The following A1CF variants were observed in gnomAD, a reference collection of about 807,000 sequenced individuals.
A1CF encodes the protein APOBEC-1 stimulating protein.
A neutral mutation model predicts 68.9 loss-of-function variants in A1CF; 48 were observed. The ratio of observed to expected loss-of-function variants is 0.70; its 90% CI spans 0.55 to 0.89. A1CF has a LOEUF of 0.89. Ranked by LOEUF, A1CF falls within the 40% of genes least tolerant of loss-of-function variation. The pLI, the probability that A1CF is intolerant of heterozygous loss-of-function variation, is 0.00. For synonymous variants in A1CF, 272 were observed against 260.4 expected (o/e 1.04, Z -0.43); for missense variants, 653 against 718.9 (o/e 0.91, Z 1.05).
chr10:50,815,567 G>A (rs918542764), intron 9 of A1CF, among the ~76,000 whole-genome samples: 14 of 152,176 alleles, frequency 9.2e-5, no homozygotes, highest in African/African-American at 2.9e-4. Flanking sequence ...CAATGCCACT[G>A]AGTCACCATC....
At chr10:50,825,321 AC>A (rs1838867422) in intron 7 of A1CF, among the ~76,000 whole-genome samples, 1 of 152,130 alleles carries the variant, frequency 6.6e-6, no homozygotes, top group South Asian at 2.1e-4. Flanking sequence ...ACCCTAAGCC[AC>A]TACTGCCCAG....
At chr10:50,811,314 C>T (rs760229287) in intron 10 of A1CF, 138 bp from the exon 11 acceptor site, 2 of 812,786 alleles carry the variant, frequency 2.5e-6, no homozygotes, top group African/African-American at 1.7e-5. Flanking sequence ...TTTAATGACT[C>T]ATAAAATTTA....
chr10:50,884,472 A>C (rs1841917471), intron 1 of A1CF, among the ~76,000 whole-genome samples: 1 of 152,242 alleles, frequency 6.6e-6, no homozygotes, highest in South Asian at 2.1e-4. Flanking sequence ...GCTTTGACAA[A>C]TAAGTGATAT....
chr10:50,870,990 T>A (rs938167907), intron 1 of A1CF, among the ~76,000 whole-genome samples: 2 of 151,718 alleles, frequency 1.3e-5, no homozygotes, highest in Non-Finnish European at 3.0e-5. Flanking sequence ...CACGTGATCA[T>A]CACAGTAAAT....
At chr10:50,870,169 T>C (rs1185178091) in intron 1 of A1CF, among the ~76,000 whole-genome samples, 1 of 151,956 alleles carries the variant, frequency 6.6e-6, no homozygotes, top group African/African-American at 2.4e-5. Flanking sequence ...AACATTAAAA[T>C]CATTTTCTCT....
At chr10:50,826,124 A>C (rs1431114624) in intron 7 of A1CF, among the ~76,000 whole-genome samples, 2 of 152,152 alleles carry the variant, frequency 1.3e-5, no homozygotes, top group Non-Finnish European at 2.9e-5. Flanking sequence ...TTTATTGAGC[A>C]ATCATTGTAC....
At chr10:50,815,728 T>C (rs566702234) in intron 9 of A1CF, among the ~76,000 whole-genome samples, 16 of 152,292 alleles carry the variant, frequency 1.1e-4, no homozygotes, top group African/African-American at 3.8e-4. Context: ...ATTATAGAAC[T>C]AGGTTTTAGT....
chr10:50,874,983 G>C (rs1275814168), intron 1 of A1CF, among the ~76,000 whole-genome samples: 1 of 152,118 alleles, frequency 6.6e-6, no homozygotes, highest in Non-Finnish European at 1.5e-5. Context: ...CTTCTCAGGT[G>C]ATAACAATAT....
intron 1 of A1CF, among the ~76,000 whole-genome samples, chr10:50,876,775 G>A (rs1841533744): frequency 6.6e-6 from 1 of 152,182 alleles, no homozygotes; most frequent in Non-Finnish European, 1.5e-5. Flanking sequence ...ATAATTGCAT[G>A]AGCCAATCCC....
intron 4 of A1CF, among the ~76,000 whole-genome samples, chr10:50,843,295 A>T (rs991606755): frequency 1.3e-5 from 2 of 152,156 alleles, no homozygotes; most frequent in African/African-American, 4.8e-5. Context: ...TCATGCCAAG[A>T]GGGATTGTAT....
chr10:50,852,866 A>G (rs1840312021), intron 3 of A1CF, among the ~76,000 whole-genome samples: 1 of 152,184 alleles, frequency 6.6e-6, no homozygotes, highest in African/African-American at 2.4e-5. Flanking sequence ...TTTGAGGAAC[A>G]TTCAATTAAA....
At chr10:50,828,385 GACCCT>G in intron 6 of A1CF, 90 bp from the exon 7 acceptor site, 3 of 1,059,364 alleles carry the variant, frequency 2.8e-6, no homozygotes, top group Non-Finnish European at 3.9e-6. Flanking sequence ...AAATTGACCT[GACCCT>G]TGAGGTCTTG....
intron 6 of A1CF, among the ~76,000 whole-genome samples, chr10:50,833,826 A>G (rs1431785676): frequency 6.6e-6 from 1 of 152,130 alleles, no homozygotes; most frequent in African/African-American, 2.4e-5. Context: ...TCATCTTGTT[A>G]GTTTGCTGAT....
chr10:50,819,093 C>T (rs1838512562), intron 8 of A1CF, among the ~76,000 whole-genome samples: 1 of 152,124 alleles, frequency 6.6e-6, no homozygotes, highest in Admixed American at 6.6e-5. Flanking sequence ...CTGACTGTGT[C>T]CTTTGACCAA....
At chr10:50,807,086 C>T (rs1837868925) in intron 12 of A1CF, among the ~76,000 whole-genome samples, 1 of 151,868 alleles carries the variant, frequency 6.6e-6, no homozygotes, top group African/African-American at 2.4e-5. Context: ...GACAATGTTC[C>T]CTAAAGTGGG....
intron 3 of A1CF, among the ~76,000 whole-genome samples, chr10:50,858,784 GT>G (rs1177798566): frequency 6.6e-6 from 1 of 151,924 alleles, no homozygotes; most frequent in Admixed American, 6.6e-5. Context: ...TGAATTTTAA[GT>G]ATTAAAAAAA....
intron 2 of A1CF, among the ~76,000 whole-genome samples, chr10:50,860,676 T>C (rs2132530679): frequency 6.6e-6 from 1 of 152,364 alleles, no homozygotes; most frequent in Non-Finnish European, 1.5e-5. Flanking sequence ...AGTTTACATA[T>C]GTTCACGTTT....
intron 1 of A1CF, among the ~76,000 whole-genome samples, chr10:50,879,022 C>T (rs538508664): frequency 2.6e-5 from 4 of 152,314 alleles, no homozygotes; most frequent in African/African-American, 9.6e-5. Context: ...AAACTTGCTT[C>T]CCACAGGGCT....
At chr10:50,868,455 T>C (rs1841096730) in intron 1 of A1CF, among the ~76,000 whole-genome samples, 1 of 152,132 alleles carries the variant, frequency 6.6e-6, no homozygotes, top group African/African-American at 2.4e-5. Context: ...GCAAAATTAA[T>C]AGAGAATATG....
Sources: allele counts gnomAD v4.1 joint callset (sites outside exome capture counted in the v4.1 genomes callset), GRCh38; gene constraint gnomAD v4.1.1; transcripts MANE v1.5; gene names NCBI Gene and HGNC (gene_info 2026-07-23, HGNC 2026-07-21).